DPP10: variants seen among roughly 807,000 people sequenced by gnomAD.
DPP10 encodes the protein inactive dipeptidyl peptidase 10.
DPP10 carries 33 observed loss-of-function variants against 120.9 expected under a neutral mutation model. The ratio of observed to expected loss-of-function variants is 0.27; its 90% CI spans 0.21 to 0.37. The LOEUF (loss-of-function observed/expected upper bound fraction) is 0.37, where lower values mean the gene tolerates loss of function less well. Among genes scored for constraint, DPP10 ranks in the 10% least tolerant of loss-of-function variants. DPP10 has a pLI of 1.00. For synonymous variants in DPP10, 337 were observed against 326.1 expected (o/e 1.03, Z -0.36); for missense variants, 816 against 942.8 (o/e 0.87, Z 1.76).
intron 1 of DPP10, among the ~76,000 whole-genome samples, chr2:114,628,763 C>G (rs539648291): frequency 4.6e-5 from 7 of 152,046 alleles, no homozygotes; most frequent in African/African-American, 1.7e-4. Flanking sequence ...GAGAAATGGG[C>G]GAACGAACGG....
chr2:115,824,968 A>G (rs975841649), intron 21 of DPP10, among the ~76,000 whole-genome samples: 1 of 152,234 alleles, frequency 6.6e-6, no homozygotes, highest in Non-Finnish European at 1.5e-5. Context: ...CTAGAGGAAA[A>G]GAGAAGAGAA....
intron 1 of DPP10, among the ~76,000 whole-genome samples, chr2:115,254,749 T>G (rs1260866822): frequency 6.6e-6 from 1 of 152,148 alleles, no homozygotes; most frequent in African/African-American, 2.4e-5. Context: ...AGTCTGAAAT[T>G]CAATAGGGTA....
At chr2:114,663,781 C>T (rs1468089031) in intron 1 of DPP10, among the ~76,000 whole-genome samples, 4 of 151,014 alleles carry the variant, frequency 2.6e-5, no homozygotes, top group South Asian at 2.1e-4. Flanking sequence ...TGACCATGAG[C>T]GATTTACTTA....
chr2:115,184,871 AAC>A (rs1188630044), intron 1 of DPP10, among the ~76,000 whole-genome samples: 1 of 152,234 alleles, frequency 6.6e-6, no homozygotes, highest in African/African-American at 2.4e-5. Flanking sequence ...TTTCCTGAGA[AAC>A]AGTTATGAAA....
chr2:114,996,963 A>G (rs1332243967), intron 1 of DPP10, among the ~76,000 whole-genome samples: 3 of 144,894 alleles, frequency 2.1e-5, no homozygotes, highest in African/African-American at 7.7e-5. Flanking sequence ...GCCTGGCGAC[A>G]GAGCAAGACT....
intron 1 of DPP10, among the ~76,000 whole-genome samples, chr2:115,244,749 A>G (rs2058453653): frequency 6.6e-6 from 1 of 151,322 alleles, no homozygotes; most frequent in Admixed American, 6.6e-5. Flanking sequence ...TCCAATCCAC[A>G]TTCCAAGAGT....
intron 2 of DPP10, among the ~76,000 whole-genome samples, chr2:115,324,346 G>GT (rs775884636): frequency 1.4e-4 from 21 of 152,102 alleles, no homozygotes; most frequent in Non-Finnish European, 2.9e-4. Context: ...AAAATCTCTC[G>GT]TTTAGCATAG....
intron 1 of DPP10, among the ~76,000 whole-genome samples, chr2:115,185,181 G>GCA (rs1363377255): frequency 1.3e-5 from 2 of 151,718 alleles, no homozygotes; most frequent in Non-Finnish European, 2.9e-5. Flanking sequence ...TGCTTAAAAC[G>GCA]CACAGCACGT....
chr2:114,530,253 TTTTCATTTTATC>T (rs1685851324), intron 1 of DPP10, among the ~76,000 whole-genome samples: 1 of 152,188 alleles, frequency 6.6e-6, no homozygotes, highest in South Asian at 2.1e-4. Flanking sequence ...TGTGCCTTGT[TTTTCATTTTATC>T]TGTAACAATT....
chr2:114,862,004 G>C (rs763495740), intron 1 of DPP10, among the ~76,000 whole-genome samples: 1 of 152,092 alleles, frequency 6.6e-6, no homozygotes, highest in South Asian at 2.1e-4. Context: ...GGTACATATT[G>C]CATGAATCCA....
chr2:115,295,438 T>A (rs2060842255), intron 1 of DPP10, among the ~76,000 whole-genome samples: 1 of 152,124 alleles, frequency 6.6e-6, no homozygotes. Flanking sequence ...GCTTAACTTC[T>A]TTTTTCCTGA....
intron 1 of DPP10, among the ~76,000 whole-genome samples, chr2:115,034,712 C>G (rs1298919344): frequency 6.6e-6 from 1 of 152,234 alleles, no homozygotes; most frequent in African/African-American, 2.4e-5. Context: ...GTTAACAGTA[C>G]TATTTGCCAT....
At chr2:114,583,815 T>C (rs1690730842) in intron 1 of DPP10, among the ~76,000 whole-genome samples, 1 of 152,196 alleles carries the variant, frequency 6.6e-6, no homozygotes, top group African/African-American at 2.4e-5. Flanking sequence ...ATTTCAAAGA[T>C]GATGAGATAC....
intron 1 of DPP10, among the ~76,000 whole-genome samples, chr2:114,673,551 G>T (rs1394414335): frequency 6.6e-6 from 1 of 151,986 alleles, no homozygotes; most frequent in Non-Finnish European, 1.5e-5. Flanking sequence ...TGCCTCCCAG[G>T]TTCAAGCAGT....
rs141144508 is a variant in DPP10, at chr2:115,580,833, A to G, written c.441+54861A>G. Among the ~76,000 whole-genome samples, 723 of 152,108 alleles carry G rather than the reference A, an allele frequency of 4.8e-3. 2 individuals are homozygous for G. Among genetic ancestry groups the G allele is most frequent in the Non-Finnish European group, 8.3e-3 (567 of 68,016 alleles). On this transcript the variant is annotated intron_variant, in intron 5 of 25. Coordinates refer to ENST00000410059, the MANE Select transcript of DPP10 (RefSeq NM_020868.6). ...TGTCAATTACATTTTTTTTCCCTTA[A>G]ACATTAGTTTCAAGAGGCCAAGATA... is the stretch of plus-strand genomic sequence containing the variant.
chr2:114,713,093 T>C (rs916722611), intron 1 of DPP10, among the ~76,000 whole-genome samples: 3 of 151,760 alleles, frequency 2.0e-5, no homozygotes, highest in Non-Finnish European at 4.4e-5. Flanking sequence ...TTCAAGCGAT[T>C]CTCCTGCCTC....
Position 115,780,939 on chromosome 2 carries a change from C to T in DPP10, c.1427C>T (p.Thr476Ile). ...ISCNFMKEQC[T>I]YFDASFSPMN... ...TGTAATTTCATGAAAGAACAATGTA[C>T]ATATTTTGATGCCAGTTTTAGTCCC... Residue 476 changes from threonine to isoleucine, a missense_variant, in exon 16 of 26, where the codon ACA becomes ATA. By Grantham distance (89) the Thr-to-Ile change is moderately conservative. Transcript: ENST00000410059. 1 of 1,603,754 alleles carries T rather than the reference C, an allele frequency of 6.2e-7. No homozygotes were observed. The highest frequency in any genetic ancestry group is 1.1e-5 in the South Asian group (1 of 89,792).
intron 1 of DPP10, among the ~76,000 whole-genome samples, chr2:115,048,796 A>G (rs924501926): frequency 3.9e-5 from 6 of 152,130 alleles, no homozygotes; most frequent in Non-Finnish European, 7.4e-5. Context: ...AAAGGTTTAG[A>G]TGATTTCTCC....
intron 10 of DPP10, among the ~76,000 whole-genome samples, chr2:115,750,878 G>A (rs1322960386): frequency 2.0e-5 from 3 of 152,044 alleles, no homozygotes; most frequent in Non-Finnish European, 4.4e-5. Flanking sequence ...ACTTTGAAAA[G>A]GAAAGCTCTC....
Sources: gnomAD v4.1 joint callset for allele counts (sites outside exome capture counted in the v4.1 genomes callset) on GRCh38, gnomAD v4.1.1 for gene constraint, MANE v1.5 for transcripts, NCBI Gene and HGNC (gene_info 2026-07-23, HGNC 2026-07-21) for gene names.